The following MINDY4 variants were observed in gnomAD, a reference collection of about 807,000 sequenced individuals.
MINDY4 encodes the protein probable ubiquitin carboxyl-terminal hydrolase MINDY-4.
A neutral mutation model predicts 87.0 loss-of-function variants in MINDY4; 68 were observed. That is an observed-to-expected ratio of 0.78 (90% CI 0.64 to 0.96). MINDY4 has a LOEUF of 0.96. Among genes scored for constraint, MINDY4 ranks in the 40% least tolerant of loss-of-function variants. The pLI is 0.00. For missense variants in MINDY4, 919 were observed against 928.2 expected (o/e 0.99, Z 0.13); for synonymous variants, 379 against 363.2 (o/e 1.04, Z -0.50).
intron 5 of MINDY4, among the ~76,000 whole-genome samples, chr7:30,824,410 C>T (rs1788435124): frequency 6.6e-6 from 1 of 152,168 alleles, no homozygotes; most frequent in Non-Finnish European, 1.5e-5. Flanking sequence ...AATACGGCCA[C>T]ACTGGGGATT....
chr7:30,828,938 A>G (rs370966251), intron 6 of MINDY4, among the ~76,000 whole-genome samples: 1 of 105,020 alleles, frequency 9.5e-6, no homozygotes, highest in South Asian at 3.0e-4. Flanking sequence ...GGGACATCCT[A>G]GTAAGAAGAC....
rs527512091 is a variant in MINDY4, at chr7:30,789,509, G to A, written c.664-1656G>A. Among the ~76,000 whole-genome samples the A allele has an allele frequency of 8.3e-4, 126 of 152,322 alleles. 1 individual carries two copies. In the South Asian group the frequency reaches 0.015, roughly 18 times the overall value. ...TCATCATATTTACTACATCACTTCT[G>A]TATTTAAGAATGACTTAAGAGGCTG... On this transcript the variant is annotated intron_variant, in intron 4 of 17. Transcript: ENST00000265299.
chr7:30,785,545 G>A (rs372476549), intron 3 of MINDY4, among the ~76,000 whole-genome samples: 49 of 152,254 alleles, frequency 3.2e-4, no homozygotes, highest in African/African-American at 1.0e-3. Flanking sequence ...CTTGTTTACT[G>A]GTCTTATTTT....
chr7:30,853,290 A>G, intron 11 of MINDY4, 104 bp from the exon 12 acceptor site: 1 of 887,728 alleles, frequency 1.1e-6, no homozygotes, highest in East Asian at 2.6e-5. Flanking sequence ...GGACATTCCC[A>G]AGTTGGATTT....
chr7:30,849,920 C>G (rs575174305), intron 9 of MINDY4, among the ~76,000 whole-genome samples: 6 of 152,352 alleles, frequency 3.9e-5, no homozygotes, highest in Admixed American at 3.3e-4. Flanking sequence ...ATCCTTGAAT[C>G]TGTCCTGCCA....
At chr7:30,832,342 G>T (rs1351785430) in intron 6 of MINDY4, among the ~76,000 whole-genome samples, 4 of 152,208 alleles carry the variant, frequency 2.6e-5, no homozygotes, top group Admixed American at 2.0e-4. Context: ...GCCCTTCAGG[G>T]TCAGTCCTCC....
At position 30,882,900 on chromosome 7, in the gene MINDY4, TG is replaced by T; in HGVS notation, c.2153-20del. 1 of 1,612,840 alleles carries T rather than the reference TG, an allele frequency of 6.2e-7. No homozygotes were observed. The highest frequency in any genetic ancestry group is 8.5e-7 in the Non-Finnish European group (1 of 1,179,216). Reference sequence around the variant, plus strand: ...TGCAGGGCCCTGGGTGACATGTGTGTGCCTCTCTCCTCCTTCCCAGACACCA... The same window carrying T: ...TGCAGGGCCCTGGGTGACATGTGTGTCCTCTCTCCTCCTTCCCAGACACCA... On this transcript the variant is annotated intron_variant, in intron 16 of 17. Transcript: ENST00000265299.
chr7:30,833,692 G>A (rs569020539), intron 6 of MINDY4, among the ~76,000 whole-genome samples: 5 of 152,232 alleles, frequency 3.3e-5, no homozygotes, highest in Non-Finnish European at 7.3e-5. Context: ...GACAAGGCAA[G>A]TCCCTTCCAC....
At chr7:30,854,576 T>C (rs1009915765) in intron 12 of MINDY4, among the ~76,000 whole-genome samples, 6 of 152,142 alleles carry the variant, frequency 3.9e-5, no homozygotes, top group African/African-American at 1.2e-4. Context: ...TCACCTTGCC[T>C]TCCCTTTGAC....
intron 13 of MINDY4, among the ~76,000 whole-genome samples, chr7:30,866,810 G>A (rs1284449222): frequency 6.6e-6 from 1 of 152,116 alleles, no homozygotes; most frequent in Non-Finnish European, 1.5e-5. Flanking sequence ...GTGGCAGAAG[G>A]CAGCTTGGGA....
chr7:30,821,815 A>G (rs1236320136), intron 5 of MINDY4, among the ~76,000 whole-genome samples: 1 of 152,190 alleles, frequency 6.6e-6, no homozygotes, highest in Non-Finnish European at 1.5e-5. Flanking sequence ...TTAGTAGTTA[A>G]TGATGTCTTC....
intron 8 of MINDY4, among the ~76,000 whole-genome samples, chr7:30,839,956 C>T (rs970820193): frequency 1.3e-5 from 2 of 152,060 alleles, no homozygotes; most frequent in East Asian, 1.9e-4. Context: ...CAGCTTGGTC[C>T]GGTTCAGTTT....
Position 30,877,487 on chromosome 7 carries a change from G to A in MINDY4, c.1971+1831G>A, listed in dbSNP as rs574591404. Among the ~76,000 whole-genome samples, 3 of 152,248 alleles carry A rather than the reference G, an allele frequency of 2.0e-5. No homozygotes were observed. The South Asian group carries it at 6.2e-4, about 32-fold the overall frequency. ...TTCTGTGCTCAGCTGAGGACTGGGA[G>A]TTTTGTTTCCCTGCGGTAGGTGGAT... On this transcript the variant is annotated intron_variant, in intron 15 of 17. Transcript: ENST00000265299.
intron 5 of MINDY4, among the ~76,000 whole-genome samples, chr7:30,820,531 C>T (rs1788295157): frequency 6.6e-6 from 1 of 152,152 alleles, no homozygotes; most frequent in Admixed American, 6.5e-5. Context: ...ATTCCTCCCC[C>T]AACCCCCAGT....
At chr7:30,878,594 C>T (rs1316374103) in intron 15 of MINDY4, among the ~76,000 whole-genome samples, 1 of 152,188 alleles carries the variant, frequency 6.6e-6, no homozygotes, top group Non-Finnish European at 1.5e-5. Context: ...AGGCCAAGCC[C>T]CTCCAGGCTG....
intron 5 of MINDY4, among the ~76,000 whole-genome samples, chr7:30,813,674 C>T (rs1430425891): frequency 6.6e-6 from 1 of 152,226 alleles, no homozygotes; most frequent in East Asian, 1.9e-4. Context: ...CTCAGGGACA[C>T]AGCTAATTTT....
chr7:30,871,633 G>A (rs777968878), intron 13 of MINDY4, among the ~76,000 whole-genome samples: 2 of 152,218 alleles, frequency 1.3e-5, no homozygotes, highest in African/African-American at 4.8e-5. Flanking sequence ...TTCTGAGGGT[G>A]GAACCACAGT....
At chr7:30,847,450 A>G (rs1257799971) in intron 9 of MINDY4, among the ~76,000 whole-genome samples, 1 of 152,164 alleles carries the variant, frequency 6.6e-6, no homozygotes, top group African/African-American at 2.4e-5. Flanking sequence ...AAGGCAAAGG[A>G]GGCTGGTTCC....
At chr7:30,786,977 G>A (rs2128167235) in intron 4 of MINDY4, among the ~76,000 whole-genome samples, 1 of 152,360 alleles carries the variant, frequency 6.6e-6, no homozygotes, top group South Asian at 2.1e-4. Flanking sequence ...CAGGGTGTCT[G>A]TGTCCACCTG....
Sources: allele counts gnomAD v4.1 joint callset (sites outside exome capture counted in the v4.1 genomes callset), GRCh38; gene constraint gnomAD v4.1.1; transcripts MANE v1.5; gene names NCBI Gene and HGNC (gene_info 2026-07-23, HGNC 2026-07-21).